PRKCA: variants seen among roughly 807,000 people sequenced by gnomAD.
PRKCA encodes the protein protein kinase C alpha.
A neutral mutation model predicts 87.0 loss-of-function variants in PRKCA; 27 were observed. That is an observed-to-expected ratio of 0.31 (90% CI 0.23 to 0.43). The LOEUF is 0.43. Ranked by LOEUF, PRKCA falls within the 20% of genes least tolerant of loss-of-function variation. PRKCA has a pLI of 1.00. For missense variants in PRKCA, 518 were observed against 852.3 expected (o/e 0.61, Z 4.88); for synonymous variants, 329 against 311.1 (o/e 1.06, Z -0.61).
At chr17:66,769,162 C>A (rs964130168) in intron 13 of PRKCA, among the ~76,000 whole-genome samples, 1 of 151,954 alleles carries the variant, frequency 6.6e-6, no homozygotes, top group African/African-American at 2.4e-5. Flanking sequence ...TCCCAACACA[C>A]CTATGCAACA....
intron 2 of PRKCA, among the ~76,000 whole-genome samples, chr17:66,405,878 T>C (rs1911342998): frequency 6.6e-6 from 1 of 152,206 alleles, no homozygotes; most frequent in Non-Finnish European, 1.5e-5. Flanking sequence ...CTGCCAAGTT[T>C]CTTGTGGCTG....
intron 11 of PRKCA, 48 bp downstream of exon 11, chr17:66,738,903 C>A: frequency 7.1e-7 from 1 of 1,411,376 alleles, no homozygotes; most frequent in Non-Finnish European, 9.7e-7. Context: ...CAAGTCCTAC[C>A]AACTGGAAAC....
intron 13 of PRKCA, among the ~76,000 whole-genome samples, chr17:66,763,808 C>T (rs1315198468): frequency 1.3e-5 from 2 of 152,070 alleles, no homozygotes; most frequent in Non-Finnish European, 2.9e-5. Context: ...CAAGTGCAGC[C>T]GAGAACAGGA....
At chr17:66,408,319 C>T (rs192345902) in intron 2 of PRKCA, among the ~76,000 whole-genome samples, 408 of 152,274 alleles carry the variant, frequency 2.7e-3, no homozygotes, top group Non-Finnish European at 3.6e-3. Context: ...ATTTCATTGA[C>T]TGTTAATTAA....
intron 2 of PRKCA, among the ~76,000 whole-genome samples, chr17:66,431,925 C>T (rs964434178): frequency 2.6e-5 from 4 of 152,132 alleles, no homozygotes; most frequent in African/African-American, 9.7e-5. Flanking sequence ...GTAATAATTT[C>T]CCCCCGCATC....
chr17:66,740,342 C>G (rs1333455345), intron 11 of PRKCA, among the ~76,000 whole-genome samples: 1 of 152,084 alleles, frequency 6.6e-6, no homozygotes, highest in Non-Finnish European at 1.5e-5. Context: ...GCCAGGAAGT[C>G]TCAGGAAACA....
chr17:66,699,673 A>T (rs1973014654), intron 8 of PRKCA, among the ~76,000 whole-genome samples: 1 of 152,214 alleles, frequency 6.6e-6, no homozygotes, highest in Non-Finnish European at 1.5e-5. Context: ...CTGCAGCTCA[A>T]ACTCCTGGGC....
intron 2 of PRKCA, among the ~76,000 whole-genome samples, chr17:66,474,179 C>G (rs1915442801): frequency 6.6e-6 from 1 of 151,960 alleles, no homozygotes; most frequent in African/African-American, 2.4e-5. Context: ...TAACATTATA[C>G]AATTTAACCT....
chr17:66,788,146 G>C (rs1413030901), intron 15 of PRKCA, among the ~76,000 whole-genome samples: 6 of 152,214 alleles, frequency 3.9e-5, no homozygotes, highest in Admixed American at 3.9e-4. Context: ...TTCAGGCTTA[G>C]TAAGATGGAG....
chr17:66,742,701 A>G lies in PRKCA; in HGVS notation c.1465A>G (p.Met489Val), dbSNP rs34406842. The G allele has an allele frequency of 1.5e-3, 2,456 of 1,614,214 alleles. 4 individuals are homozygous for G. The highest frequency in any genetic ancestry group is 2.0e-3 in the Non-Finnish European group (2,312 of 1,180,024). The part of the protein sequence containing the change: ...IADFGMCKEH[M>V]MDGVTTRTFC... ...TGACTTTGGGATGTGCAAGGAACAC[A>G]TGATGGATGGAGTCACGACCAGGAC... The change falls in exon 13 of 17, where the codon ATG (methionine) becomes GTG (valine). Residue 489 changes from methionine (M) to valine (V), a missense_variant. Around this residue, in one of 5 missense-constraint regions of PRKCA, gnomAD observed 1 missense variants for 16.9 expected, o/e 0.06. Coordinates refer to ENST00000413366, the MANE Select transcript of PRKCA (RefSeq NM_002737.3).
chr17:66,655,009 G>A (rs761948349), intron 5 of PRKCA, among the ~76,000 whole-genome samples: 8 of 152,164 alleles, frequency 5.3e-5, no homozygotes, highest in African/African-American at 9.7e-5. Flanking sequence ...CTGCTCTCAC[G>A]TTCTCACAGT....
rs575864979 is a variant in PRKCA, at chr17:66,389,131, C to T, written c.205+83004C>T. Among the ~76,000 whole-genome samples, 17 of 152,302 alleles carry T rather than the reference C, an allele frequency of 1.1e-4. No individual in the cohort carries two copies. In the South Asian group the frequency reaches 3.3e-3, roughly 30 times the overall value. The stretch of plus-strand genomic sequence containing the variant: ...CACCTTCCCACGCAACTTGCAGCCA[C>T]GAGGTTAACCAGAGATAAACGTGGC... On this transcript the variant is annotated intron_variant, in intron 2 of 16. Coordinates refer to ENST00000413366, the MANE Select transcript of PRKCA (RefSeq NM_002737.3).
chr17:66,325,609 C>G (rs117899208), intron 2 of PRKCA, among the ~76,000 whole-genome samples: 2 of 152,116 alleles, frequency 1.3e-5, no homozygotes, highest in Non-Finnish European at 2.9e-5. Context: ...CATAAATCCA[C>G]AGGAGAGAAA....
chr17:66,606,365 C>A (rs1165822973), intron 3 of PRKCA, among the ~76,000 whole-genome samples: 1 of 152,150 alleles, frequency 6.6e-6, no homozygotes, highest in African/African-American at 2.4e-5. Context: ...GCACTTCAGT[C>A]TGGTAACAGA....
At chr17:66,578,706 C>T (rs1567910426) in intron 3 of PRKCA, among the ~76,000 whole-genome samples, 1 of 152,206 alleles carries the variant, frequency 6.6e-6, no homozygotes, top group South Asian at 2.1e-4. Context: ...GTGTAGAAGA[C>T]ATCAGGGCCC....
At chr17:66,605,676 C>CAAAT (rs893338869) in intron 3 of PRKCA, among the ~76,000 whole-genome samples, 8 of 152,240 alleles carry the variant, frequency 5.3e-5, no homozygotes, top group African/African-American at 1.9e-4. Flanking sequence ...TCATAGTAGC[C>CAAAT]AAATGTCCAT....
intron 3 of PRKCA, among the ~76,000 whole-genome samples, chr17:66,531,228 T>A (rs1967524721): frequency 6.6e-6 from 1 of 152,184 alleles, no homozygotes; most frequent in Non-Finnish European, 1.5e-5. Context: ...CAGAGACAGC[T>A]GGAGGGCAGG....
chr17:66,376,232 C>G (rs1028798030), intron 2 of PRKCA, among the ~76,000 whole-genome samples: 2 of 152,128 alleles, frequency 1.3e-5, no homozygotes, highest in African/African-American at 4.8e-5. Context: ...GAGAAGGCCC[C>G]CTGGCACAGT....
chr17:66,355,554 A>G lies in PRKCA; in HGVS notation c.205+49427A>G, dbSNP rs368653558. On this transcript the variant is annotated intron_variant, in intron 2 of 16. Transcript: ENST00000413366. ...CCAAAATAATTTTGTCATCACCATG[A>G]TCGTGGCTGCCATCATCATTTCGAC... is the stretch of plus-strand genomic sequence containing the variant. Among the ~76,000 whole-genome samples, 177 of 152,214 alleles carry G rather than the reference A, an allele frequency of 1.2e-3. 1 individual carries two copies. Among genetic ancestry groups the G allele is most frequent in the African/African-American group, 4.0e-3 (165 of 41,508 alleles).
Sources: allele counts gnomAD v4.1 joint callset (sites outside exome capture counted in the v4.1 genomes callset), GRCh38; gene constraint gnomAD v4.1.1; regional missense constraint gnomAD v4.1.1; transcripts MANE v1.5; gene names NCBI Gene and HGNC (gene_info 2026-07-23, HGNC 2026-07-21).